GATAD2A: variants seen among roughly 807,000 people sequenced by gnomAD.
GATAD2A encodes GATA zinc finger domain containing 2A.
A neutral mutation model predicts 68.5 loss-of-function variants in GATAD2A; 12 were observed. The observed-to-expected ratio is 0.18, with a 90% confidence interval of 0.11 to 0.28. The LOEUF (loss-of-function observed/expected upper bound fraction) is 0.28, where lower values mean the gene tolerates loss of function less well. Among genes scored for constraint, GATAD2A ranks in the 10% least tolerant of loss-of-function variants. The pLI, the probability that GATAD2A is intolerant of heterozygous loss-of-function variation, is 1.00. For missense variants in GATAD2A, 755 were observed against 868.5 expected, an observed-to-expected ratio of 0.87 and a Z score of 1.64; for synonymous variants, 410 against 375.3, an observed-to-expected ratio of 1.09 and a Z score of -1.07.
At chr19:19,464,915 A>T (rs1253067280) in intron 1 of GATAD2A, 1 of 274,752 alleles carries the variant, frequency 3.6e-6, no homozygotes, top group South Asian at 4.0e-5. Flanking sequence ...GGAACAGTGC[A>T]GTCACCGCCC....
chr19:19,424,642 G>A (rs975854803), intron 1 of GATAD2A, among the ~76,000 whole-genome samples: 2 of 151,886 alleles, frequency 1.3e-5, no homozygotes, highest in African/African-American at 4.8e-5. Context: ...CAAAATGCTG[G>A]GATTACAGGC....
intron 2 of GATAD2A, among the ~76,000 whole-genome samples, chr19:19,491,253 C>T (rs1369840696): frequency 1.3e-5 from 2 of 152,124 alleles, no homozygotes; most frequent in African/African-American, 4.8e-5. Flanking sequence ...CGTTTGTGAC[C>T]ATACTTTGAC....
intron 1 of GATAD2A, among the ~76,000 whole-genome samples, chr19:19,460,518 G>C (rs902139250): frequency 7.2e-5 from 11 of 152,148 alleles, no homozygotes; most frequent in African/African-American, 2.4e-4. Context: ...GAGGTGCCCT[G>C]TGCCTCCTGA....
At chr19:19,455,598 A>G (rs1477196228) in intron 1 of GATAD2A, among the ~76,000 whole-genome samples, 1 of 152,224 alleles carries the variant, frequency 6.6e-6, no homozygotes. Flanking sequence ...TAGCATTTAC[A>G]TTTTATGGAG....
intron 1 of GATAD2A, among the ~76,000 whole-genome samples, chr19:19,420,802 A>G (rs963923062): frequency 8.6e-5 from 13 of 151,952 alleles, no homozygotes; most frequent in African/African-American, 2.2e-4. Flanking sequence ...AGTCCCTCGT[A>G]TGAGTGTTGG....
Position 19,487,357 on chromosome 19 carries a change from G to T in GATAD2A, c.270-4949G>T, listed in dbSNP as rs145401932. ...AGGTCGTGATGGCCCCCAGCTCAGGGTGCAGGAACCTGCTTGTCAGACAGG... is the reference window on the plus strand; with the variant it reads ...AGGTCGTGATGGCCCCCAGCTCAGGTTGCAGGAACCTGCTTGTCAGACAGG... On this transcript the variant is annotated intron_variant, in intron 2 of 11. Transcript: ENST00000683918. 5.3e-3 allele frequency among the ~76,000 whole-genome samples: 802 copies of T among 152,252 alleles called. 6 individuals carry two copies. Among genetic ancestry groups the T allele is most frequent in the South Asian group, 0.041 (197 of 4,822 alleles).
At chr19:19,484,518 CTTTTTTTTTTTTTCTTTTTT>C (rs1242735588) in intron 2 of GATAD2A, among the ~76,000 whole-genome samples, 4 of 114,466 alleles carry the variant, frequency 3.5e-5, no homozygotes, top group South Asian at 2.7e-4. Flanking sequence ...TTTTCTTTTT[CTTTTTTTTTTTTTCTTTTTT>C]TTTTTTTTTT....
intron 1 of GATAD2A, among the ~76,000 whole-genome samples, chr19:19,425,336 T>G (rs2052951514): frequency 6.6e-6 from 1 of 152,158 alleles, no homozygotes; most frequent in Non-Finnish European, 1.5e-5. Context: ...CAAATTTTTT[T>G]ATTTTGACTG....
intron 1 of GATAD2A, among the ~76,000 whole-genome samples, chr19:19,398,305 G>A (rs1275699822): frequency 1.3e-5 from 2 of 152,076 alleles, no homozygotes; most frequent in African/African-American, 4.8e-5. Context: ...CCGGGTTCAA[G>A]CAATTCTCCT....
Position 19,494,397 on chromosome 19 carries a change from C to T in GATAD2A, c.624+14C>T. The T allele has an allele frequency of 6.7e-7, 1 of 1,499,064 alleles. No homozygotes were observed. 92.9% of individuals were successfully genotyped at this position (1,499,064 alleles called of 1,614,324 possible). A position where few individuals can be genotyped will look rare whatever the true frequency, so the allele number is the denominator to read the frequency against. Reference sequence around the variant, plus strand: ...CCATCACTCCAGGTCAGTGTCCTTTCTGCGTCTCACTGGGTGCCCTGCTGG... The same window carrying T: ...CCATCACTCCAGGTCAGTGTCCTTTTTGCGTCTCACTGGGTGCCCTGCTGG... On this transcript the variant is annotated intron_variant, in intron 5 of 11. Coordinates refer to ENST00000683918, the MANE Select transcript of GATAD2A (RefSeq NM_001384528.1).
intron 1 of GATAD2A, among the ~76,000 whole-genome samples, chr19:19,432,747 G>A (rs1600108173): frequency 6.6e-6 from 1 of 152,262 alleles, no homozygotes; most frequent in Non-Finnish European, 1.5e-5. Context: ...GGCACGGCCA[G>A]GAGGCCAGTA....
chr19:19,449,854 A>C (rs1412552168), intron 1 of GATAD2A, among the ~76,000 whole-genome samples: 1 of 152,236 alleles, frequency 6.6e-6, no homozygotes. Context: ...CAAGTCCTCT[A>C]CCTGAAACAC....
At chr19:19,409,344 G>C (rs1260248636) in intron 1 of GATAD2A, among the ~76,000 whole-genome samples, 1 of 152,138 alleles carries the variant, frequency 6.6e-6, no homozygotes, top group East Asian at 1.9e-4. Flanking sequence ...AGGTGAGTGG[G>C]TGAAGTCTTC....
At chr19:19,395,482 A>G (rs957388579) in intron 1 of GATAD2A, among the ~76,000 whole-genome samples, 4 of 152,088 alleles carry the variant, frequency 2.6e-5, no homozygotes. Context: ...AACATGTTCA[A>G]GTTACCCCTT....
At chr19:19,445,201 T>C (rs1307720748) in intron 1 of GATAD2A, among the ~76,000 whole-genome samples, 1 of 152,130 alleles carries the variant, frequency 6.6e-6, no homozygotes, top group Non-Finnish European at 1.5e-5. Context: ...CCTACCCTGA[T>C]GGCTGATGGC....
At chr19:19,463,735 C>T (rs1298090738) in intron 1 of GATAD2A, among the ~76,000 whole-genome samples, 1 of 152,204 alleles carries the variant, frequency 6.6e-6, no homozygotes, top group Non-Finnish European at 1.5e-5. Flanking sequence ...CACAGAGCTG[C>T]TCTGGGCCTG....
At chr19:19,499,936 C>T (rs1282773675) in intron 8 of GATAD2A, among the ~76,000 whole-genome samples, 1 of 152,218 alleles carries the variant, frequency 6.6e-6, no homozygotes, top group East Asian at 1.9e-4. Flanking sequence ...CCTTTGGTGC[C>T]TCCTTTTCGA....
At chr19:19,463,218 C>T (rs1050485284) in intron 1 of GATAD2A, among the ~76,000 whole-genome samples, 1 of 152,122 alleles carries the variant, frequency 6.6e-6, no homozygotes, top group Non-Finnish European at 1.5e-5. Context: ...AGAAATGTCC[C>T]ACCCCTCCCA....
intron 4 of GATAD2A, 60 bp from the exon 5 acceptor site, chr19:19,494,234 G>A (rs892366402): frequency 3.4e-5 from 31 of 912,600 alleles, no homozygotes; most frequent in Admixed American, 5.9e-5. Flanking sequence ...TGGCAACTCC[G>A]TGTGAGGAGA....
Sources: gnomAD v4.1 joint callset for allele counts (sites outside exome capture counted in the v4.1 genomes callset) on GRCh38, gnomAD v4.1.1 for gene constraint, MANE v1.5 for transcripts, NCBI Gene and HGNC (gene_info 2026-07-23, HGNC 2026-07-21) for gene names.